MAST3: variants seen among roughly 807,000 people sequenced by gnomAD.
MAST3 encodes microtubule associated serine/threonine kinase 3.
Under a neutral mutation model 127.0 loss-of-function variants are expected in MAST3, and 43 were observed. That is an observed-to-expected ratio of 0.34 (90% CI 0.27 to 0.44). MAST3 has a LOEUF of 0.44. Ranked by LOEUF, MAST3 falls within the 20% of genes least tolerant of loss-of-function variation. The pLI, the probability that MAST3 is intolerant of heterozygous loss-of-function variation, is 1.00. For missense variants in MAST3, 1,390 were observed against 1,919.1 expected (o/e 0.72, Z 5.15); for synonymous variants, 785 against 809.2 (o/e 0.97, Z 0.51).
chr19:18,102,139 C>T (rs1301392385), intron 1 of MAST3, among the ~76,000 whole-genome samples: 1 of 151,940 alleles, frequency 6.6e-6, no homozygotes, highest in Admixed American at 6.6e-5. Context: ...CTCGGCCTCT[C>T]AAAGTGCTGA....
At chr19:18,140,178 A>G (rs2042307780) in intron 20 of MAST3, among the ~76,000 whole-genome samples, 1 of 151,988 alleles carries the variant, frequency 6.6e-6, no homozygotes, top group Non-Finnish European at 1.5e-5. Flanking sequence ...TCAGGAGTTC[A>G]AGACCAGCCT....
chr19:18,145,566 A>AAGGGGGCGT lies in MAST3; in HGVS notation c.3040-173_3040-165dup, dbSNP rs1356666541. On this transcript the variant is annotated intron_variant, in intron 24 of 27. Coordinates refer to ENST00000687212, the MANE Select transcript of MAST3 (RefSeq NM_001393504.1). This position sits in a 1 kb window ranked among gnomAD's most constrained non-coding sequence, Gnocchi z 5.9. ...AACAGACACAGAAGGCTTTCTGGAG[A>AAGGGGGCGT]AGGGGGCGTAGGAGCTGGGGCTTTG... 6.6e-6 allele frequency among the ~76,000 whole-genome samples: 1 copy of AAGGGGGCGT among 150,838 alleles called. No homozygotes were observed. Among genetic ancestry groups the AAGGGGGCGT allele is most frequent in the Non-Finnish European group, 1.5e-5 (1 of 67,752 alleles).
Position 18,149,085 on chromosome 19 carries a change from C to A in MAST3, c.3509-106C>A. 8.1e-7 allele frequency: 1 copy of A among 1,229,750 alleles called. No homozygotes were observed. The highest frequency in any genetic ancestry group is 1.1e-6 in the Non-Finnish European group (1 of 929,764). 76.2% of individuals were successfully genotyped at this position (1,229,750 alleles called of 1,614,324 possible). A position where few individuals can be genotyped will look rare whatever the true frequency, so the allele number is the denominator to read the frequency against. On this transcript the variant is annotated intron_variant, in intron 27 of 27. Coordinates refer to ENST00000687212, the MANE Select transcript of MAST3 (RefSeq NM_001393504.1). The surrounding 1 kb of genome is among the most constrained non-coding windows in gnomAD (Gnocchi z 5.9). Reference sequence around the variant, plus strand: ...AAAACAACCAGGCATGATGGGTGGCCACATGGAAGGATGTGGGCTTTAGCA... The same window carrying A: ...AAAACAACCAGGCATGATGGGTGGCAACATGGAAGGATGTGGGCTTTAGCA...
intron 2 of MAST3, chr19:18,109,901 G>A (rs1280110757): frequency 1.0e-6 from 1 of 974,714 alleles, no homozygotes; most frequent in Non-Finnish European, 1.2e-6. Flanking sequence ...GGGCCGGGGC[G>A]AGGGCAGAGG....
chr19:18,137,490 C>A, intron 19 of MAST3, 129 bp downstream of exon 19: 3 of 1,012,134 alleles, frequency 3.0e-6, no homozygotes, highest in Non-Finnish European at 4.3e-6. Flanking sequence ...GAGCTTCCGA[C>A]TTCCTGAGCC....
chr19:18,119,946 G>A (rs1249369713), intron 3 of MAST3, among the ~76,000 whole-genome samples: 1 of 152,194 alleles, frequency 6.6e-6, no homozygotes, highest in African/African-American at 2.4e-5. Context: ...CTGCGTTGGC[G>A]GCTTGGGGTG....
At chr19:18,134,793 G>A in intron 16 of MAST3, 24 bp from the exon 17 acceptor site, 1 of 1,613,908 alleles carries the variant, frequency 6.2e-7, no homozygotes. Flanking sequence ...GCTGGCCTCA[G>A]TTTCCCCGTT....
chr19:18,132,165 C>G (rs2041380558), intron 15 of MAST3, 118 bp downstream of exon 15: 1 of 1,367,950 alleles, frequency 7.3e-7, no homozygotes, highest in East Asian at 2.4e-5. Flanking sequence ...CCTTCAGGAG[C>G]CCCATCTGTC....
rs2042748201 is a variant in MAST3, at chr19:18,143,702, G to A, written c.2340-61G>A. Reference sequence around the variant, plus strand: ...AGAGTTAAGATGTGGCCATGAAGGTGGCTGAGTATCCTGGGGTGCAGGTGC... The same window carrying A: ...AGAGTTAAGATGTGGCCATGAAGGTAGCTGAGTATCCTGGGGTGCAGGTGC... On this transcript the variant is annotated intron_variant, in intron 21 of 27. Coordinates refer to ENST00000687212, the MANE Select transcript of MAST3 (RefSeq NM_001393504.1). The A allele has an allele frequency of 2.5e-6, 4 of 1,599,252 alleles. No individual in the cohort carries two copies. The Admixed American group carries it at 6.8e-5, about 27-fold the overall frequency.
chr19:18,134,402 T>C (rs1347402966), intron 15 of MAST3, among the ~76,000 whole-genome samples, 177 bp from the exon 16 acceptor site: 2 of 151,932 alleles, frequency 1.3e-5, no homozygotes, highest in Non-Finnish European at 2.9e-5. Context: ...CTTAGCTGGG[T>C]GTGGTGGTGT....
chr19:18,131,777 G>A (rs888644058), intron 14 of MAST3, 132 bp from the exon 15 acceptor site: 2 of 968,938 alleles, frequency 2.1e-6, no homozygotes, highest in Admixed American at 2.1e-5. Flanking sequence ...CCTCCCCGCT[G>A]AGATAGAACA....
Position 18,122,804 on chromosome 19 carries a change from G to A in MAST3, c.399+53G>A. 2.6e-6 allele frequency: 4 copies of A among 1,545,844 alleles called. No individual in the cohort carries two copies. In the South Asian group the frequency reaches 4.6e-5, roughly 18 times the overall value. ...GACAGGCAGATGCCGGGTTGTGGGG[G>A]GACACATCTTTGTGTGTTTTTTTCA... On this transcript the variant is annotated intron_variant, in intron 6 of 27. Coordinates refer to ENST00000687212, the MANE Select transcript of MAST3 (RefSeq NM_001393504.1).
At chr19:18,120,017 G>C (rs2039775253) in intron 3 of MAST3, among the ~76,000 whole-genome samples, 1 of 152,198 alleles carries the variant, frequency 6.6e-6, no homozygotes, top group Admixed American at 6.5e-5. Flanking sequence ...GTGGGGCGGG[G>C]GACGGTGTCG....
At position 18,128,968 on chromosome 19, in the gene MAST3, T is replaced by C. The variant is rs755466839; in HGVS notation, c.1223+17T>C. On this transcript the variant is annotated intron_variant, in intron 13 of 27. Transcript: ENST00000687212. ...AGCCTATGGGTGAGTCCCTGAGTCC[T>C]GCATAGACCCATTTCACAGATGCCT... 4.5e-5 allele frequency: 72 copies of C among 1,608,808 alleles called. No homozygotes were observed. In the Middle Eastern group the frequency reaches 4.9e-4, roughly 11 times the overall value.
chr19:18,124,455 C>A, intron 10 of MAST3, 89 bp downstream of exon 10: 1 of 1,394,580 alleles, frequency 7.2e-7, no homozygotes, highest in Non-Finnish European at 9.9e-7. Flanking sequence ...GGTGACAGTT[C>A]CCATCGTGTA....
At chr19:18,108,368 T>C (rs952040630) in intron 2 of MAST3, among the ~76,000 whole-genome samples, 1 of 151,570 alleles carries the variant, frequency 6.6e-6, no homozygotes, top group Non-Finnish European at 1.5e-5. Context: ...TTTTTTTGTT[T>C]TGCTTTGTTT....
chr19:18,143,724 G>T (rs1464656717), intron 21 of MAST3, 39 bp from the exon 22 acceptor site: 8 of 1,609,980 alleles, frequency 5.0e-6, no homozygotes, highest in Admixed American at 1.7e-5. Context: ...TGGGGTGCAG[G>T]TGCCTGGCAG....
chr19:18,142,572 G>A lies in MAST3; in HGVS notation c.2339+557G>A, dbSNP rs376533382. Among the ~76,000 whole-genome samples the A allele has an allele frequency of 4.6e-5, 7 of 151,362 alleles. No homozygotes were observed. In the East Asian group the frequency reaches 7.8e-4, roughly 17 times the overall value. On this transcript the variant is annotated intron_variant, in intron 21 of 27. Transcript: ENST00000687212. ...TTGCCATGTTAGCCAGGATGGTCTC[G>A]GTCTCCTGACCTCGTGATCCGCCCT...
rs1232258213 is a variant in MAST3 at position 18,139,041 on chromosome 19, G to A, written c.2122G>A (p.Gly708Ser). Residue 708 changes from glycine to serine, a missense_variant, in exon 20 of 28, where the codon GGC becomes AGC. Gly to Ser is a moderately conservative substitution (Grantham distance 56, BLOSUM62 0). This residue lies in a region of MAST3 where 191 missense variants were observed against 409.0 expected (regional missense o/e 0.47). Transcript: ENST00000687212. The part of the protein sequence containing the change: ...DTRSERYRHL[G>S]SEDDETNDEE... ...ACGTTCGGAACGTTACCGCCATCTG[G>A]GCTCCGAGGACGACGAGACCAATGA... is the stretch of plus-strand genomic sequence containing the variant. The A allele has an allele frequency of 6.3e-7, 1 of 1,598,112 alleles. No individual in the cohort carries two copies. The highest frequency in any genetic ancestry group is 1.3e-5 in the African/African-American group (1 of 74,476).
Sources: gnomAD v4.1 joint callset for allele counts (sites outside exome capture counted in the v4.1 genomes callset) on GRCh38, gnomAD v4.1.1 for gene constraint, gnomAD v4.1.1 regional missense constraint, Gnocchi (gnomAD v3.1) non-coding constraint, MANE v1.5 for transcripts, NCBI Gene and HGNC (gene_info 2026-07-23, HGNC 2026-07-21) for gene names.